Variants in SPIRE1 observed in about 807,000 individuals in gnomAD.
The protein encoded by SPIRE1 is protein spire homolog 1.
Under a neutral mutation model 94.1 loss-of-function variants are expected in SPIRE1, and 40 were observed. The observed-to-expected ratio is 0.43, with a 90% confidence interval of 0.33 to 0.55. The LOEUF (loss-of-function observed/expected upper bound fraction) is 0.55. Ranked by LOEUF, SPIRE1 falls within the 20% of genes least tolerant of loss-of-function variation. The pLI, the probability that SPIRE1 is intolerant of heterozygous loss-of-function variation, is 0.06. For missense variants in SPIRE1, 838 were observed against 975.2 expected, an observed-to-expected ratio of 0.86 and a Z score of 1.87; for synonymous variants, 376 against 371.7, an observed-to-expected ratio of 1.01 and a Z score of -0.13.
chr18:12,606,472 T>C (rs2144663399), intron 2 of SPIRE1, among the ~76,000 whole-genome samples: 1 of 152,046 alleles, frequency 6.6e-6, no homozygotes, highest in Non-Finnish European at 1.5e-5. Flanking sequence ...TGGTCTACCT[T>C]GTTTCTAAAG....
chr18:12,614,731 T>G (rs1022211216), intron 2 of SPIRE1, among the ~76,000 whole-genome samples: 1 of 151,896 alleles, frequency 6.6e-6, no homozygotes, highest in Non-Finnish European at 1.5e-5. Flanking sequence ...GGCAGGAGAA[T>G]CACTTGAACC....
intron 2 of SPIRE1, among the ~76,000 whole-genome samples, chr18:12,607,894 T>C (rs1012932977): frequency 1.3e-5 from 2 of 152,228 alleles, no homozygotes; most frequent in East Asian, 1.9e-4. Flanking sequence ...TGGTGGCTCA[T>C]GCCTGTAATC....
At chr18:12,488,519 A>C (rs2143828635) in intron 8 of SPIRE1, among the ~76,000 whole-genome samples, 1 of 152,280 alleles carries the variant, frequency 6.6e-6, no homozygotes, top group East Asian at 1.9e-4. Context: ...AATTTAATGG[A>C]ATGTAAATAT....
chr18:12,616,643 A>C (rs2037316045), intron 2 of SPIRE1, among the ~76,000 whole-genome samples: 1 of 152,242 alleles, frequency 6.6e-6, no homozygotes, highest in African/African-American at 2.4e-5. Context: ...GCTTACTTAC[A>C]GGCAGTGGTA....
intron 4 of SPIRE1, among the ~76,000 whole-genome samples, chr18:12,520,183 A>G (rs2034318125): frequency 2.0e-5 from 3 of 152,216 alleles, no homozygotes; most frequent in African/African-American, 7.2e-5. Context: ...TGAAAAAAGG[A>G]AGAAAATACT....
At chr18:12,652,493 A>C (rs1258737359) in intron 1 of SPIRE1, among the ~76,000 whole-genome samples, 1 of 151,942 alleles carries the variant, frequency 6.6e-6, no homozygotes, top group African/African-American at 2.4e-5. Context: ...TCACAGAAAT[A>C]CTTCTTAACC....
chr18:12,590,157 G>A lies in SPIRE1; in HGVS notation c.373-43253C>T, dbSNP rs564744734. Among the ~76,000 whole-genome samples the A allele has an allele frequency of 2.0e-5, 3 of 150,722 alleles. No individual in the cohort carries two copies. In the East Asian group the frequency reaches 5.9e-4, roughly 30 times the overall value. On this transcript the variant is annotated intron_variant, in intron 2 of 16. Coordinates refer to ENST00000409402, the MANE Select transcript of SPIRE1 (RefSeq NM_001128626.2). ...AGCTGGAGTGCAATGGTGTAGTCCC[G>A]GCTCATTGCACCCTATGCCTCCCAA...
At chr18:12,495,049 C>CAAA (rs773920267) in intron 7 of SPIRE1, among the ~76,000 whole-genome samples, 15,924 of 80,678 alleles carry the variant, frequency 0.2, 1,094 homozygotes, top group Non-Finnish European at 0.22. Context: ...GACTCTGTCT[C>CAAA]AAAAAAAAAA....
Position 12,464,945 on chromosome 18 carries a change from T to C in SPIRE1, c.1418A>G (p.His473Arg), listed in dbSNP as rs757378537. ...CACGCTGCTGCTGCTGGTCGACTTG[T>C]GCAGCGTTTCTTCCTGAGCAAAGTA... ...DSSESEEETLHKSTSSSSVSP... is the reference protein window; with the variant it reads ...DSSESEEETLRKSTSSSSVSP... The change falls in exon 11 of 17, where the codon CAC becomes CGC. Residue 473 changes from histidine (H) to arginine (R), a missense_variant. Physicochemically the swap from His to Arg is conservative, Grantham distance 29 (BLOSUM62 0). Around this residue, in one of 2 missense-constraint regions of SPIRE1, gnomAD observed 645 missense variants for 804.7 expected, o/e 0.80. Coordinates refer to ENST00000409402, the MANE Select transcript of SPIRE1 (RefSeq NM_001128626.2). The C allele has an allele frequency of 2.5e-6, 4 of 1,614,084 alleles. No individual in the cohort carries two copies. Among genetic ancestry groups the C allele is most frequent in the Non-Finnish European group, 3.4e-6 (4 of 1,180,000 alleles).
intron 2 of SPIRE1, among the ~76,000 whole-genome samples, chr18:12,603,946 G>A (rs12455101): frequency 0.01 from 1,529 of 152,258 alleles, 9 homozygotes; most frequent in Middle Eastern, 0.031. Flanking sequence ...AAGGGACTGG[G>A]TTTGGGGAGC....
chr18:12,582,370 T>C (rs1354890886), intron 2 of SPIRE1, among the ~76,000 whole-genome samples: 3 of 152,236 alleles, frequency 2.0e-5, no homozygotes, highest in Non-Finnish European at 2.9e-5. Flanking sequence ...ATTGCTGCTC[T>C]GATGTCACCC....
At chr18:12,604,064 C>T (rs188367351) in intron 2 of SPIRE1, among the ~76,000 whole-genome samples, 13 of 152,254 alleles carry the variant, frequency 8.5e-5, no homozygotes, top group African/African-American at 2.6e-4. Context: ...CTCTTCATCT[C>T]GTCACCAGTA....
rs922211071 is a variant in SPIRE1, at chr18:12,461,600, C to T, written c.1638+1751G>A. ...ATACATATGTATATACATACATACA[C>T]ACACATATACACACACATACACATA... On this transcript the variant is annotated intron_variant, in intron 12 of 16. Transcript: ENST00000409402. 1.9e-4 allele frequency among the ~76,000 whole-genome samples: 11 copies of T among 57,226 alleles called. No individual in the cohort carries two copies. The East Asian group carries it at 9.7e-3, about 50-fold the overall frequency. The allele number at this position is 57,226 out of a possible 152,430, so 37.5% of individuals were successfully genotyped here.
chr18:12,646,613 T>C (rs1186916441), intron 1 of SPIRE1, among the ~76,000 whole-genome samples: 2 of 152,138 alleles, frequency 1.3e-5, no homozygotes, highest in African/African-American at 2.4e-5. Flanking sequence ...CCTCCAATTA[T>C]CTCTATTTAT....
intron 7 of SPIRE1, 43 bp downstream of exon 7, chr18:12,495,973 A>T: frequency 6.9e-7 from 1 of 1,449,328 alleles, no homozygotes; most frequent in Non-Finnish European, 9.7e-7. Context: ...AGAATAATTC[A>T]TTATGATATC....
chr18:12,501,749 C>T (rs2033673593), intron 6 of SPIRE1, among the ~76,000 whole-genome samples: 1 of 152,116 alleles, frequency 6.6e-6, no homozygotes, highest in Non-Finnish European at 1.5e-5. Flanking sequence ...CTGCTTGAGC[C>T]CAGGAGTTCA....
intron 2 of SPIRE1, among the ~76,000 whole-genome samples, chr18:12,601,662 A>G (rs2036837459): frequency 6.6e-6 from 1 of 152,054 alleles, no homozygotes; most frequent in African/African-American, 2.4e-5. Context: ...CCATGAAATC[A>G]CTCACGTACT....
chr18:12,486,546 A>C (rs2033049113), intron 8 of SPIRE1, among the ~76,000 whole-genome samples: 1 of 152,194 alleles, frequency 6.6e-6, no homozygotes, highest in Non-Finnish European at 1.5e-5. Flanking sequence ...TAGTAGTTGA[A>C]GGACAGGACA....
rs545065545 is a variant in SPIRE1 at position 12,558,476 on chromosome 18, G to A, written c.373-11572C>T. On this transcript the variant is annotated intron_variant, in intron 2 of 16. Transcript: ENST00000409402. The stretch of plus-strand genomic sequence containing the variant: ...CCTTTCACAGCATGGAAGGGGACTC[G>A]AGCAGCGTGCCACTGCTGTCTTGGG... Among the ~76,000 whole-genome samples, 25 of 152,316 alleles carry A rather than the reference G, an allele frequency of 1.6e-4. No individual in the cohort carries two copies. In the East Asian group the frequency reaches 4.2e-3, roughly 26 times the overall value.
Sources: allele counts gnomAD v4.1 joint callset (sites outside exome capture counted in the v4.1 genomes callset), GRCh38; gene constraint gnomAD v4.1.1; regional missense constraint gnomAD v4.1.1; transcripts MANE v1.5; gene names NCBI Gene and HGNC (gene_info 2026-07-23, HGNC 2026-07-21).